Variants in ADGRL2 observed in about 807,000 individuals in gnomAD.
ADGRL2 encodes adhesion G protein-coupled receptor L2, also known as calcium-independent alpha-latrotoxin receptor 2.
Under a neutral mutation model 157.4 loss-of-function variants are expected in ADGRL2, and 44 were observed. The ratio of observed to expected loss-of-function variants is 0.28; its 90% CI spans 0.22 to 0.36. The LOEUF is 0.36. ADGRL2 is among the 10% of genes least tolerant of loss of function. The pLI, the probability that ADGRL2 is intolerant of heterozygous loss-of-function variation, is 1.00. For synonymous variants in ADGRL2, 585 were observed against 624.7 expected (o/e 0.94, Z 0.95); for missense variants, 1,510 against 1,768.9 (o/e 0.85, Z 2.63).
At chr1:81,408,992 T>C (rs1422195080) in intron 1 of ADGRL2, among the ~76,000 whole-genome samples, 1 of 152,216 alleles carries the variant, frequency 6.6e-6, no homozygotes, top group Non-Finnish European at 1.5e-5. Flanking sequence ...TTAGAAGCAA[T>C]GTTCAGACTC....
chr1:81,676,992 C>CT (rs576001428), intron 3 of ADGRL2, among the ~76,000 whole-genome samples: 1,830 of 131,784 alleles, frequency 0.014, 24 homozygotes, highest in South Asian at 0.04. Context: ...TTGGATTATT[C>CT]TTTTTTTTTT....
chr1:81,467,809 G>C (rs921177525), intron 2 of ADGRL2, among the ~76,000 whole-genome samples: 6 of 152,054 alleles, frequency 3.9e-5, no homozygotes, highest in Admixed American at 2.0e-4. Context: ...TGCAGGCTTT[G>C]GGATTGATTT....
At chr1:81,965,188 T>C (rs1380994318) in intron 11 of ADGRL2, among the ~76,000 whole-genome samples, 1 of 152,148 alleles carries the variant, frequency 6.6e-6, no homozygotes, top group Non-Finnish European at 1.5e-5. Flanking sequence ...ATTGCAGTGG[T>C]TGTCACACTT....
At chr1:81,527,635 C>A (rs966292735) in intron 2 of ADGRL2, among the ~76,000 whole-genome samples, 2 of 151,966 alleles carry the variant, frequency 1.3e-5, no homozygotes, top group African/African-American at 4.8e-5. Context: ...TCACTTGAAC[C>A]CGGGAGGCGG....
intron 1 of ADGRL2, among the ~76,000 whole-genome samples, chr1:81,340,173 T>A (rs960090875): frequency 1.3e-5 from 2 of 152,250 alleles, no homozygotes; most frequent in African/African-American, 4.8e-5. Flanking sequence ...GTTAACATTC[T>A]GTCATTTTAT....
intron 1 of ADGRL2, among the ~76,000 whole-genome samples, chr1:81,407,584 C>T (rs548760192): frequency 6.6e-6 from 1 of 152,350 alleles, no homozygotes; most frequent in South Asian, 2.1e-4. Flanking sequence ...TAAACCTGAT[C>T]TCATGGCTTT....
intron 1 of ADGRL2, among the ~76,000 whole-genome samples, chr1:81,818,270 T>C (rs1408528572): frequency 6.6e-6 from 1 of 152,230 alleles, no homozygotes; most frequent in African/African-American, 2.4e-5. Context: ...AAGTATGTTA[T>C]GCTTTTGTAG....
chr1:81,922,120 T>C (rs1338014067), intron 3 of ADGRL2, among the ~76,000 whole-genome samples: 1 of 152,178 alleles, frequency 6.6e-6, no homozygotes, highest in Non-Finnish European at 1.5e-5. Flanking sequence ...ATAACTGTGA[T>C]ACCAAATCTC....
chr1:81,786,026 C>A (rs967358553), intron 2 of ADGRL2, among the ~76,000 whole-genome samples: 1 of 152,002 alleles, frequency 6.6e-6, no homozygotes, highest in East Asian at 1.9e-4. Flanking sequence ...ACTGCTTGAG[C>A]CTGGGAGGTG....
At chr1:81,452,986 T>C (rs1181627015) in intron 2 of ADGRL2, among the ~76,000 whole-genome samples, 2 of 152,216 alleles carry the variant, frequency 1.3e-5, no homozygotes, top group African/African-American at 4.8e-5. Flanking sequence ...GCAAGAGGTC[T>C]GTGTTTTATT....
intron 3 of ADGRL2, among the ~76,000 whole-genome samples, chr1:81,645,795 C>T (rs1279460171): frequency 6.6e-6 from 1 of 152,040 alleles, no homozygotes; most frequent in South Asian, 2.1e-4. Context: ...CATATTTCCC[C>T]CCTCTAATAA....
chr1:81,408,785 G>A (rs1458214008), intron 1 of ADGRL2, among the ~76,000 whole-genome samples: 2 of 152,178 alleles, frequency 1.3e-5, no homozygotes, highest in African/African-American at 4.8e-5. Context: ...CTCTGCTAAA[G>A]AAAACCATAA....
intron 3 of ADGRL2, among the ~76,000 whole-genome samples, chr1:81,600,824 C>T (rs2081319385): frequency 1.3e-5 from 2 of 152,174 alleles, no homozygotes; most frequent in African/African-American, 2.4e-5. Flanking sequence ...CTTTGATTTA[C>T]TTAAAAACCT....
At chr1:81,454,523 A>G (rs2077763609) in intron 2 of ADGRL2, among the ~76,000 whole-genome samples, 1 of 152,158 alleles carries the variant, frequency 6.6e-6, no homozygotes, top group South Asian at 2.1e-4. Context: ...CAGAAATACT[A>G]GAGGGCTAAT....
At chr1:81,594,171 C>G (rs2081186731) in intron 3 of ADGRL2, among the ~76,000 whole-genome samples, 1 of 152,150 alleles carries the variant, frequency 6.6e-6, no homozygotes, top group Non-Finnish European at 1.5e-5. Flanking sequence ...TCCCCATCAT[C>G]TGCCTGGCAC....
chr1:81,567,727 T>C (rs1266037195), intron 2 of ADGRL2, among the ~76,000 whole-genome samples: 1 of 152,134 alleles, frequency 6.6e-6, no homozygotes, highest in Non-Finnish European at 1.5e-5. Context: ...TTAAAATGCT[T>C]TTTACACAAA....
chr1:81,619,694 T>C (rs2081745837), intron 3 of ADGRL2, among the ~76,000 whole-genome samples: 1 of 151,702 alleles, frequency 6.6e-6, no homozygotes. Context: ...GTATTATTTC[T>C]ATAAATTAAG....
chr1:81,637,968 A>G (rs2082146603), intron 3 of ADGRL2, among the ~76,000 whole-genome samples: 1 of 151,556 alleles, frequency 6.6e-6, no homozygotes, highest in African/African-American at 2.4e-5. Context: ...CTCTTTGTTG[A>G]ATTTGAATTG....
intron 3 of ADGRL2, among the ~76,000 whole-genome samples, chr1:81,594,143 C>G (rs2081186141): frequency 6.6e-6 from 1 of 152,094 alleles, no homozygotes. Context: ...ATGTTGGAGA[C>G]AGATGAAATA....
Sources: allele counts gnomAD v4.1 joint callset (sites outside exome capture counted in the v4.1 genomes callset), GRCh38; gene constraint gnomAD v4.1.1; transcripts MANE v1.5; gene names NCBI Gene and HGNC (gene_info 2026-07-23, HGNC 2026-07-21).